The following BTBD8 variants were observed in gnomAD, a reference collection of about 807,000 sequenced individuals.
The protein encoded by BTBD8 is BTB/POZ domain-containing protein 8.
Under a neutral mutation model 162.9 loss-of-function variants are expected in BTBD8, and 110 were observed. That is an observed-to-expected ratio of 0.68 (90% CI 0.58 to 0.79). BTBD8 has a LOEUF of 0.79. Ranked by LOEUF, BTBD8 falls within the 30% of genes least tolerant of loss-of-function variation. BTBD8 has a pLI of 0.00. For synonymous variants in BTBD8, 667 were observed against 716.1 expected (o/e 0.93, Z 1.10); for missense variants, 1,905 against 2,085.4 (o/e 0.91, Z 1.68).
At chr1:92,127,878 C>A (rs575492482) in intron 4 of BTBD8, among the ~76,000 whole-genome samples, 1 of 151,830 alleles carries the variant, frequency 6.6e-6, no homozygotes, top group African/African-American at 2.4e-5. Flanking sequence ...TTTACTTTAG[C>A]CTTTGTTCCT....
intron 4 of BTBD8, chr1:92,114,798 G>A (rs1453515750): frequency 3.6e-6 from 1 of 278,772 alleles, no homozygotes; most frequent in African/African-American, 2.3e-5. Context: ...TGGTCCAGGG[G>A]ATCTTACTCT....
At position 92,180,981 on chromosome 1, in the gene BTBD8, A is replaced by G; in HGVS notation, c.3298A>G (p.Asn1100Asp). 3 of 1,551,748 alleles carry G rather than the reference A, an allele frequency of 1.9e-6. No homozygotes were observed. The Admixed American group carries it at 5.9e-5, about 30-fold the overall frequency. ...LKYMVSNPNE[N>D]SLNSNPVCDL... ...ATACATGGTTTCAAATCCAAATGAA[A>G]ACTCCTTGAACTCTAATCCAGTTTG... is the stretch of plus-strand genomic sequence containing the variant. The change falls in exon 17 of 18, where the codon AAC (asparagine) becomes GAC (aspartate). Residue 1100 changes from asparagine (N) to aspartate (D), a missense_variant. By Grantham distance (23) the Asn-to-Asp change is conservative (BLOSUM62 1). This residue lies in a region of BTBD8 where 1,374 missense variants were observed against 1,442.7 expected (regional missense o/e 0.95). Transcript: ENST00000636805.
At chr1:92,086,073 A>G (rs1648151260) in intron 1 of BTBD8, among the ~76,000 whole-genome samples, 1 of 152,198 alleles carries the variant, frequency 6.6e-6, no homozygotes, top group African/African-American at 2.4e-5. Flanking sequence ...TTTGAAGCAT[A>G]TGGAACATGT....
intron 16 of BTBD8, among the ~76,000 whole-genome samples, chr1:92,178,742 G>C (rs548141): frequency 0.036 from 5,547 of 152,086 alleles, 112 homozygotes; most frequent in African/African-American, 0.041. Flanking sequence ...TCCTTCCTCT[G>C]CCTCCCAAAG....
chr1:92,141,471 A>AGAG (rs1570741627), intron 7 of BTBD8, among the ~76,000 whole-genome samples: 1 of 152,198 alleles, frequency 6.6e-6, no homozygotes, highest in Non-Finnish European at 1.5e-5. Context: ...AAAGGTGCTC[A>AGAG]GAGTTTGGAA....
In BTBD8 at chr1:92,182,561, A is replaced by C; in HGVS notation, c.4878A>C (p.Thr1626=). ...GTCCAGTGAAAGAGAGCCATTCTAC[A>C]ACTACTGAAAAAGCTAATATTGCTT... ...QEGPVKESHS[T]TTEKANIALS... is the part of the protein sequence containing the mutation. Residue 1626 remains threonine (T), a synonymous_variant, in exon 17 of 18, where the codon ACA becomes ACC. Transcript: ENST00000636805. 1 of 1,514,536 alleles carries C rather than the reference A, an allele frequency of 6.6e-7. No homozygotes were observed. Among genetic ancestry groups the C allele is most frequent in the South Asian group, 1.3e-5 (1 of 76,812 alleles). 93.8% of individuals were successfully genotyped at this position (1,514,536 alleles called of 1,614,324 possible). A position where few individuals can be genotyped will look rare whatever the true frequency, so the allele number is the denominator to read the frequency against.
rs763063475 is a variant in BTBD8 at position 92,102,491 on chromosome 1, CAG to C, written c.368_369del (p.Arg123LysfsTer6). The C allele has an allele frequency of 2.0e-6, 3 of 1,520,350 alleles. No individual in the cohort carries two copies. The highest frequency in any genetic ancestry group is 2.6e-6 in the Non-Finnish European group (3 of 1,133,054). The allele number at this position is 1,520,350 out of a possible 1,614,324, so 94.2% of individuals were successfully genotyped here. A position where few individuals can be genotyped will look rare whatever the true frequency, so the allele number is the denominator to read the frequency against. On this transcript the variant is annotated frameshift_variant, in exon 3 of 18. Coordinates refer to ENST00000636805, the MANE Select transcript of BTBD8 (RefSeq NM_001376131.1). LOFTEE classifies it high-confidence loss of function. ...TFLQIIYSSN[R>X]NIKNYEEEIL... ...CTTTTAGGATTATATATTCATCAAA[CAG>C]AAACATAAAAAACTATGAAGAGGAA...
chr1:92,108,789 C>G (rs1254117741), intron 4 of BTBD8, among the ~76,000 whole-genome samples: 3 of 152,316 alleles, frequency 2.0e-5, no homozygotes, highest in South Asian at 2.1e-4. Flanking sequence ...CCAGTTCTTC[C>G]TCCTCTTTGT....
chr1:92,167,778 C>T (rs778119976), intron 10 of BTBD8, 70 bp from the exon 11 acceptor site: 162 of 1,250,792 alleles, frequency 1.3e-4, no homozygotes, highest in Middle Eastern at 1.9e-4. Context: ...TGATCTGTTA[C>T]GCCAGACTTT....
At position 92,178,183 on chromosome 1, in the gene BTBD8, A is replaced by G. The variant is rs958962125; in HGVS notation, c.2442-129A>G. The stretch of plus-strand genomic sequence containing the variant: ...TAAACTTAAAAAGACTTATGAGCAT[A>G]TGATTTTTCTATTTTCAGGAGAGAT... On this transcript the variant is annotated intron_variant, in intron 15 of 17. Coordinates refer to ENST00000636805, the MANE Select transcript of BTBD8 (RefSeq NM_001376131.1). 9.4e-6 allele frequency: 7 copies of G among 741,632 alleles called. No homozygotes were observed. The African/African-American group carries it at 1.1e-4, about 11-fold the overall frequency. The allele number at this position is 741,632 out of a possible 1,614,324, so 45.9% of individuals were successfully genotyped here.
chr1:92,177,930 G>T, intron 15 of BTBD8, 32 bp downstream of exon 15: 2 of 1,106,048 alleles, frequency 1.8e-6, no homozygotes, highest in Non-Finnish European at 2.6e-6. Context: ...TAACCTATCT[G>T]TTAGCTTTCT....
intron 9 of BTBD8, among the ~76,000 whole-genome samples, chr1:92,149,232 T>G (rs750817055): frequency 6.6e-6 from 1 of 152,236 alleles, no homozygotes; most frequent in Non-Finnish European, 1.5e-5. Flanking sequence ...TACTGTCTCA[T>G]TCCCCGTCAT....
At chr1:92,153,908 T>C (rs1352455895) in intron 9 of BTBD8, among the ~76,000 whole-genome samples, 2 of 152,194 alleles carry the variant, frequency 1.3e-5, no homozygotes, top group Admixed American at 6.5e-5. Context: ...AAGTCTCATG[T>C]TGAAATGTAA....
chr1:92,148,226 A>G (rs1218426560), intron 9 of BTBD8, among the ~76,000 whole-genome samples: 3 of 152,178 alleles, frequency 2.0e-5, no homozygotes, highest in Admixed American at 2.0e-4. Context: ...TCTCACTGAA[A>G]AAAACATTTG....
rs540335257 is a variant in BTBD8 at position 92,117,872 on chromosome 1, G to A, written c.662+9871G>A. On this transcript the variant is annotated intron_variant, in intron 4 of 17. Coordinates refer to ENST00000636805, the MANE Select transcript of BTBD8 (RefSeq NM_001376131.1). ...ACTTCATTTGTTTTTCTTCTCTTGT[G>A]GATCAGAGTCCTGTACTGCCTTTTT... Among the ~76,000 whole-genome samples, 137 of 152,010 alleles carry A rather than the reference G, an allele frequency of 9.0e-4. 1 individual carries two copies. In the South Asian group the frequency reaches 0.015, roughly 17 times the overall value.
chr1:92,125,500 C>A, intron 4 of BTBD8: 1 of 314,794 alleles, frequency 3.2e-6, no homozygotes, highest in Non-Finnish European at 6.2e-6. Flanking sequence ...AACAAATTCA[C>A]AATCTGCAGG....
intron 2 of BTBD8, among the ~76,000 whole-genome samples, chr1:92,093,543 G>T (rs755999885): frequency 6.6e-5 from 10 of 152,104 alleles, no homozygotes; most frequent in Non-Finnish European, 1.3e-4. Context: ...GTGATAGAGA[G>T]TTGTTATAAG....
Position 92,141,221 on chromosome 1 carries a change from G to A in BTBD8, c.930+10G>A, listed in dbSNP as rs1649769644. 1 of 1,570,810 alleles carries A rather than the reference G, an allele frequency of 6.4e-7. No homozygotes were observed. Among genetic ancestry groups the A allele is most frequent in the African/African-American group, 1.4e-5 (1 of 73,720 alleles). ...TAATTTCTTTCAGAAGGTAATTATT[G>A]AGCCTCAGAAATCTTTTATCCAGTG... On this transcript the variant is annotated intron_variant, in intron 7 of 17. Transcript: ENST00000636805.
intron 9 of BTBD8, among the ~76,000 whole-genome samples, chr1:92,156,921 T>C (rs1242955705): frequency 3.9e-5 from 6 of 152,014 alleles, no homozygotes; most frequent in Non-Finnish European, 2.9e-5. Context: ...TGTTTTTCTA[T>C]CCTCTATTTC....
Sources: allele counts gnomAD v4.1 joint callset (sites outside exome capture counted in the v4.1 genomes callset), GRCh38; gene constraint gnomAD v4.1.1; regional missense constraint gnomAD v4.1.1; transcripts MANE v1.5; gene names NCBI Gene and HGNC (gene_info 2026-07-23, HGNC 2026-07-21).